Variants in SLC13A1 observed in about 807,000 individuals in gnomAD.
SLC13A1 encodes the protein Na(+)/sulfate cotransporter.
In SLC13A1, 65 loss-of-function variants were observed where a neutral mutation model predicts 70.0. The observed-to-expected ratio is 0.93, with a 90% CI of 0.76 to 1.14. The LOEUF (loss-of-function observed/expected upper bound fraction) is 1.14. Among genes scored for constraint, SLC13A1 ranks in the 50% most tolerant of loss-of-function variants. SLC13A1 has a pLI of 0.00. For synonymous variants in SLC13A1, 275 were observed against 250.5 expected, an observed-to-expected ratio of 1.10 and a Z score of -0.92; for missense variants, 726 against 717.8, an observed-to-expected ratio of 1.01 and a Z score of -0.13.
chr7:123,171,176 A>G (rs1158496536), intron 3 of SLC13A1, among the ~76,000 whole-genome samples: 1 of 152,240 alleles, frequency 6.6e-6, no homozygotes, highest in East Asian at 1.9e-4. Flanking sequence ...GTTCTTAGCA[A>G]GAAGTGAAAT....
At chr7:123,134,793 C>A (rs2116342549) in intron 7 of SLC13A1, among the ~76,000 whole-genome samples, 1 of 152,262 alleles carries the variant, frequency 6.6e-6, no homozygotes, top group East Asian at 1.9e-4. Context: ...TAAGGAAGTG[C>A]TTGTGGAAAA....
At chr7:123,180,863 A>T in intron 2 of SLC13A1, 110 bp downstream of exon 2, 1 of 1,181,840 alleles carries the variant, frequency 8.5e-7, no homozygotes. Flanking sequence ...TGGGGGACTT[A>T]TGTGGAACCT....
At chr7:123,130,697 C>CACAT (rs750479032) in intron 8 of SLC13A1, among the ~76,000 whole-genome samples, 25 of 152,284 alleles carry the variant, frequency 1.6e-4, no homozygotes, top group Admixed American at 7.2e-4. Context: ...GCACATCCTG[C>CACAT]ACATGTATCA....
intron 1 of SLC13A1, among the ~76,000 whole-genome samples, chr7:123,183,021 T>A (rs1271916211): frequency 6.6e-6 from 1 of 152,150 alleles, no homozygotes; most frequent in East Asian, 1.9e-4. Flanking sequence ...ATATTTGAGT[T>A]CTGATCCTTG....
intron 13 of SLC13A1, 69 bp from the exon 14 acceptor site, chr7:123,117,677 A>G: frequency 1.0e-6 from 1 of 993,086 alleles, no homozygotes. Context: ...AAAAAAAAAA[A>G]AGTATTACAA....
intron 2 of SLC13A1, among the ~76,000 whole-genome samples, chr7:123,175,093 T>C (rs1198951071): frequency 6.6e-6 from 1 of 152,068 alleles, no homozygotes; most frequent in Admixed American, 6.6e-5. Flanking sequence ...ATTGTATTTA[T>C]GGACTTAGCA....
intron 6 of SLC13A1, among the ~76,000 whole-genome samples, chr7:123,151,330 A>T (rs1201332432): frequency 2.0e-5 from 3 of 150,926 alleles, no homozygotes; most frequent in Non-Finnish European, 2.9e-5. Flanking sequence ...GACCCGTCTC[A>T]AAACAAAACA....
At chr7:123,144,748 G>T (rs2116401185) in intron 7 of SLC13A1, among the ~76,000 whole-genome samples, 1 of 152,198 alleles carries the variant, frequency 6.6e-6, no homozygotes, top group East Asian at 1.9e-4. Flanking sequence ...ACACGTCAAG[G>T]TTGACTCTTA....
rs868701179 is a variant in SLC13A1, at chr7:123,113,677, G to A, written c.*1841C>T. 1 of 152,024 alleles carries A rather than the reference G, an allele frequency of 6.6e-6. No individual in the cohort carries two copies. Among genetic ancestry groups the A allele is most frequent in the African/African-American group, 2.4e-5 (1 of 41,392 alleles). 9.4% of individuals were successfully genotyped at this position (152,024 alleles called of 1,614,324 possible). A position where few individuals can be genotyped will look rare whatever the true frequency, so the allele number is the denominator to read the frequency against. On this transcript the variant is annotated 3_prime_UTR_variant, in exon 15 of 15. Transcript: ENST00000194130. ...ATAAATACATGTGTAAAATATGGTA[G>A]GGAAAGGAACAAATGAATAGAATAA...
rs1159600963 is a variant in SLC13A1, at chr7:123,114,769, C to A, written c.*749G>T. The A allele has an allele frequency of 6.6e-6, 1 of 152,114 alleles. No homozygotes were observed. The highest frequency in any genetic ancestry group is 2.4e-5 in the African/African-American group (1 of 41,432). 9.4% of individuals were successfully genotyped at this position (152,114 alleles called of 1,614,324 possible). A position where few individuals can be genotyped will look rare whatever the true frequency, so the allele number is the denominator to read the frequency against. On this transcript the variant is annotated 3_prime_UTR_variant, in exon 15 of 15. Coordinates refer to ENST00000194130, the MANE Select transcript of SLC13A1 (RefSeq NM_022444.4). ...ACTAATAGTGCAAATCATAGCAAGC[C>A]TTATCCATAGCTCTACAAAATGAAT...
chr7:123,117,264 T>C (rs1201657174), intron 14 of SLC13A1, among the ~76,000 whole-genome samples: 1 of 152,164 alleles, frequency 6.6e-6, no homozygotes, highest in East Asian at 1.9e-4. Flanking sequence ...TCTCTGTTTG[T>C]GACCGTAAGT....
intron 6 of SLC13A1, among the ~76,000 whole-genome samples, chr7:123,150,494 C>T (rs912182570): frequency 2.0e-5 from 3 of 152,084 alleles, no homozygotes; most frequent in Admixed American, 6.6e-5. Context: ...ACAAGAAAGA[C>T]TTCTTAACCC....
chr7:123,142,647 T>TTTTTG (rs1794195514), intron 7 of SLC13A1, among the ~76,000 whole-genome samples: 1 of 144,506 alleles, frequency 6.9e-6, no homozygotes, highest in Non-Finnish European at 1.5e-5. Context: ...ACTTTTTTTT[T>TTTTTG]TTTTTTTTGA....
At position 123,125,615 on chromosome 7, in the gene SLC13A1, A is replaced by T. The variant is rs760584130; in HGVS notation, c.1194T>A (p.Leu398=). 1 of 1,613,236 alleles carries T rather than the reference A, an allele frequency of 6.2e-7. No homozygotes were observed. Among genetic ancestry groups the T allele is most frequent in the African/African-American group, 1.3e-5 (1 of 74,886 alleles). Residue 398 remains leucine, a synonymous_variant, in exon 11 of 15, where the codon CTT becomes CTA. Coordinates refer to ENST00000194130, the MANE Select transcript of SLC13A1 (RefSeq NM_022444.4). The part of the protein sequence containing the change: ...VALLIGLLFF[L]IPAKTLTKTT... ...TTTTAGTCAGTGTCTTAGCTGGGAT[A>T]AGAAAGAATAGCAGCCCTATAAGTA... is the stretch of plus-strand genomic sequence containing the variant.
At chr7:123,117,926 TTACATA>T (rs1268705681) in intron 13 of SLC13A1, among the ~76,000 whole-genome samples, 2 of 151,508 alleles carry the variant, frequency 1.3e-5, no homozygotes, top group Non-Finnish European at 2.9e-5. Flanking sequence ...GGCTAAATGT[TTACATA>T]TACGTATATA....
chr7:123,142,363 G>A (rs914583077), intron 7 of SLC13A1, among the ~76,000 whole-genome samples: 1 of 152,124 alleles, frequency 6.6e-6, no homozygotes, highest in African/African-American at 2.4e-5. Flanking sequence ...TCCCAGGACA[G>A]GTCCATAAAT....
At chr7:123,171,953 A>G (rs369504426) in intron 2 of SLC13A1, 49 bp from the exon 3 acceptor site, 1 of 1,558,806 alleles carries the variant, frequency 6.4e-7, no homozygotes, top group East Asian at 2.3e-5. Flanking sequence ...GGGGAAAAAT[A>G]ACATTGCACA....
intron 7 of SLC13A1, among the ~76,000 whole-genome samples, chr7:123,145,419 C>A (rs1794316876): frequency 1.3e-5 from 2 of 152,268 alleles, no homozygotes; most frequent in African/African-American, 2.4e-5. Context: ...CAACTAATTT[C>A]ATGTGAATGA....
At chr7:123,123,969 C>A (rs1034682315) in intron 11 of SLC13A1, among the ~76,000 whole-genome samples, 3 of 152,152 alleles carry the variant, frequency 2.0e-5, no homozygotes, top group Non-Finnish European at 4.4e-5. Flanking sequence ...TTCCTATCAT[C>A]TTCCCCCAAA....
Sources: allele counts gnomAD v4.1 joint callset (sites outside exome capture counted in the v4.1 genomes callset), GRCh38; gene constraint gnomAD v4.1.1; transcripts MANE v1.5; gene names NCBI Gene and HGNC (gene_info 2026-07-23, HGNC 2026-07-21).